The following AKT3 variants were observed in gnomAD, a reference collection of about 807,000 sequenced individuals.
The protein encoded by AKT3 is RAC-gamma serine/threonine-protein kinase.
AKT3 carries 15 observed loss-of-function variants against 65.3 expected under a neutral mutation model. The ratio of observed to expected loss-of-function variants is 0.23; its 90% CI spans 0.15 to 0.35. AKT3 has a LOEUF of 0.35. AKT3 is among the 10% of genes least tolerant of loss of function. AKT3 has a pLI of 1.00. For missense variants in AKT3, 243 were observed against 576.5 expected (o/e 0.42, Z 5.92); for synonymous variants, 206 against 183.8 (o/e 1.12, Z -0.98).
At chr1:243,800,143 T>C (rs570972297) in intron 2 of AKT3, among the ~76,000 whole-genome samples, 1 of 152,308 alleles carries the variant, frequency 6.6e-6, no homozygotes, top group South Asian at 2.1e-4. Flanking sequence ...GCACACTGTT[T>C]AGGAGTATAC....
intron 4 of AKT3, among the ~76,000 whole-genome samples, chr1:243,649,694 G>C (rs1466592853): frequency 1.3e-5 from 2 of 152,046 alleles, no homozygotes; most frequent in East Asian, 3.9e-4. Context: ...ATAGTTGGTT[G>C]AGAATGATGG....
At chr1:243,795,462 G>GC (rs1691912767) in intron 2 of AKT3, among the ~76,000 whole-genome samples, 1 of 105,398 alleles carries the variant, frequency 9.5e-6, no homozygotes, top group Non-Finnish European at 1.9e-5. Context: ...TTTTTTTTTT[G>GC]TTTTTTTTTT....
chr1:243,533,414 C>T (rs1483335526), intron 12 of AKT3, among the ~76,000 whole-genome samples: 2 of 152,154 alleles, frequency 1.3e-5, no homozygotes, highest in Non-Finnish European at 2.9e-5. Flanking sequence ...AATTCTATCA[C>T]TGACATTTAT....
chr1:243,607,857 T>C (rs1677543969), intron 8 of AKT3, among the ~76,000 whole-genome samples: 1 of 152,144 alleles, frequency 6.6e-6, no homozygotes, highest in Non-Finnish European at 1.5e-5. Context: ...ATTCTTGTGA[T>C]TGTCAGCGAG....
At chr1:243,650,877 G>C (rs142060141) in intron 4 of AKT3, among the ~76,000 whole-genome samples, 1 of 152,198 alleles carries the variant, frequency 6.6e-6, no homozygotes, top group East Asian at 1.9e-4. Flanking sequence ...GATTGTCTTG[G>C]CTATGCGGGC....
In AKT3 at chr1:243,500,684, C is replaced by CCAT; in HGVS notation, c.*4562_*4564dup. On this transcript the variant is annotated 3_prime_UTR_variant, in exon 14 of 14. Transcript: ENST00000673466. ...TCGGCTGCCCTGCCTGGCCAGCGAG[C>CCAT]CATCATCCTCATCACCATCTCAACA... 1 of 229,784 alleles carries CCAT rather than the reference C, an allele frequency of 4.4e-6. No individual in the cohort carries two copies. The highest frequency in any genetic ancestry group is 2.2e-5 in the African/African-American group (1 of 45,246). The allele number at this position is 229,784 out of a possible 1,614,324, so 14.2% of individuals were successfully genotyped here. A position where few individuals can be genotyped will look rare whatever the true frequency, so the allele number is the denominator to read the frequency against.
At chr1:243,829,174 G>T (rs1694351026) in intron 2 of AKT3, among the ~76,000 whole-genome samples, 1 of 151,978 alleles carries the variant, frequency 6.6e-6, no homozygotes, top group Non-Finnish European at 1.5e-5. Context: ...AAAAATTTTA[G>T]CTTTATATTG....
At chr1:243,737,646 A>G (rs1030171300) in intron 2 of AKT3, among the ~76,000 whole-genome samples, 3 of 152,220 alleles carry the variant, frequency 2.0e-5, no homozygotes, top group Non-Finnish European at 4.4e-5. Flanking sequence ...AGTAAAATAA[A>G]GCAATTCTTG....
At chr1:243,775,985 A>G (rs1017939139) in intron 2 of AKT3, among the ~76,000 whole-genome samples, 2 of 152,202 alleles carry the variant, frequency 1.3e-5, no homozygotes, top group African/African-American at 2.4e-5. Flanking sequence ...CTTTTCTTCT[A>G]TTTACAGCAT....
intron 8 of AKT3, among the ~76,000 whole-genome samples, chr1:243,588,521 G>A (rs1675965084): frequency 6.6e-6 from 1 of 152,084 alleles, no homozygotes; most frequent in Non-Finnish European, 1.5e-5. Flanking sequence ...ACAAAATCCA[G>A]TAACTCACGT....
chr1:243,813,757 T>G (rs966250137), intron 2 of AKT3, among the ~76,000 whole-genome samples: 4 of 152,200 alleles, frequency 2.6e-5, no homozygotes, highest in African/African-American at 9.6e-5. Context: ...TAGAAGAACT[T>G]AGAGATAAAG....
intron 8 of AKT3, among the ~76,000 whole-genome samples, chr1:243,576,032 A>G (rs554718306): frequency 6.6e-6 from 1 of 152,160 alleles, no homozygotes; most frequent in Non-Finnish European, 1.5e-5. Context: ...TCTGTAGATA[A>G]TAAGTATGAA....
intron 2 of AKT3, among the ~76,000 whole-genome samples, chr1:243,802,782 T>G (rs1003934477): frequency 6.6e-6 from 1 of 152,164 alleles, no homozygotes; most frequent in African/African-American, 2.4e-5. Context: ...CCAAAAGAGT[T>G]AGGACTAAAA....
chr1:243,797,029 AAAAGTT>A (rs369217724), intron 2 of AKT3, among the ~76,000 whole-genome samples: 5 of 152,308 alleles, frequency 3.3e-5, no homozygotes, highest in African/African-American at 1.2e-4. Flanking sequence ...ACAACATGAA[AAAAGTT>A]CTGGAGGCAG....
At chr1:243,551,586 A>G (rs1165589163) in intron 11 of AKT3, among the ~76,000 whole-genome samples, 1 of 151,564 alleles carries the variant, frequency 6.6e-6, no homozygotes, top group Non-Finnish European at 1.5e-5. Context: ...ATATATATAT[A>G]TATGAGCATC....
At chr1:243,684,301 T>G (rs569111777) in intron 3 of AKT3, among the ~76,000 whole-genome samples, 2 of 152,168 alleles carry the variant, frequency 1.3e-5, no homozygotes, top group South Asian at 4.1e-4. Flanking sequence ...ATGCTATCCC[T>G]CCCCTAGCCC....
intron 2 of AKT3, among the ~76,000 whole-genome samples, chr1:243,786,942 A>C (rs547454827): frequency 6.6e-6 from 1 of 152,380 alleles, no homozygotes; most frequent in African/African-American, 2.4e-5. Context: ...GAAGAGGCCC[A>C]TGTAAGAACT....
chr1:243,814,030 G>A (rs921600642), intron 2 of AKT3, among the ~76,000 whole-genome samples: 9 of 152,144 alleles, frequency 5.9e-5, no homozygotes, highest in Non-Finnish European at 1.3e-4. Context: ...GAGCCCAGGA[G>A]TTAGAGGCTG....
intron 2 of AKT3, among the ~76,000 whole-genome samples, chr1:243,747,734 A>G (rs1446026435): frequency 6.6e-6 from 1 of 152,234 alleles, no homozygotes; most frequent in African/African-American, 2.4e-5. Context: ...AAACCACATT[A>G]AACTTATTGT....
Sources: allele counts gnomAD v4.1 joint callset (sites outside exome capture counted in the v4.1 genomes callset), GRCh38; gene constraint gnomAD v4.1.1; transcripts MANE v1.5; gene names NCBI Gene and HGNC (gene_info 2026-07-23, HGNC 2026-07-21).